The following KCNN2 variants were observed in gnomAD, a reference collection of about 807,000 sequenced individuals.
The protein encoded by KCNN2 is small conductance calcium-activated potassium channel protein 2.
In KCNN2, 24 loss-of-function variants were observed where a neutral mutation model predicts 55.5. The ratio of observed to expected loss-of-function variants is 0.43; its 90% CI spans 0.31 to 0.61. The LOEUF is 0.61. KCNN2 is among the 20% of genes least tolerant of loss of function. KCNN2 has a pLI of 0.08. For missense variants in KCNN2, 754 were observed against 853.6 expected (o/e 0.88, Z 1.45); for synonymous variants, 431 against 336.1 (o/e 1.28, Z -3.09).
At chr5:114,420,748 C>G (rs1759449126) in intron 3 of KCNN2, among the ~76,000 whole-genome samples, 1 of 152,184 alleles carries the variant, frequency 6.6e-6, no homozygotes, top group Non-Finnish European at 1.5e-5. Flanking sequence ...TATAGGCAAT[C>G]TAGAACTTTA....
chr5:114,239,737 C>G (rs1403787544), intron 2 of KCNN2, among the ~76,000 whole-genome samples: 1 of 152,196 alleles, frequency 6.6e-6, no homozygotes, highest in African/African-American at 2.4e-5. Context: ...ACAGTGGTTT[C>G]CCTGTGGGAC....
chr5:114,070,975 A>G (rs1213756653), intron 1 of KCNN2, among the ~76,000 whole-genome samples: 4 of 152,202 alleles, frequency 2.6e-5, no homozygotes, highest in Non-Finnish European at 5.9e-5. Flanking sequence ...GTATTCTTTA[A>G]ATTGGCTACT....
intron 1 of KCNN2, among the ~76,000 whole-genome samples, chr5:114,156,794 G>A (rs973494762): frequency 1.3e-5 from 2 of 151,866 alleles, no homozygotes; most frequent in African/African-American, 4.8e-5. Context: ...TTATTAATAT[G>A]TTGTAAGATG....
intron 2 of KCNN2, among the ~76,000 whole-genome samples, chr5:114,249,773 C>A (rs7703859): frequency 6.8e-6 from 1 of 148,082 alleles, no homozygotes; most frequent in Non-Finnish European, 1.5e-5. Flanking sequence ...GAATGGGCAG[C>A]ATTTTATTTT....
exon 1 of KCNN2, chr5:114,056,266 G>T: frequency 2.5e-6 from 1 of 397,598 alleles, no homozygotes; most frequent in Non-Finnish European, 4.4e-6. Context: ...GGGAGCCGGG[G>T]GCGCTCTCCC....
intron 2 of KCNN2, among the ~76,000 whole-genome samples, chr5:114,259,263 C>T (rs906265210): frequency 1.3e-5 from 2 of 152,214 alleles, no homozygotes; most frequent in Non-Finnish European, 2.9e-5. Flanking sequence ...GAACATCACT[C>T]CCCAAGAGCT....
chr5:114,088,786 A>T (rs1447028958), intron 1 of KCNN2, among the ~76,000 whole-genome samples: 4 of 151,902 alleles, frequency 2.6e-5, no homozygotes, highest in Non-Finnish European at 5.9e-5. Context: ...TTATCAGCTA[A>T]TTTTTTGTAT....
intron 3 of KCNN2, among the ~76,000 whole-genome samples, chr5:114,418,219 G>A (rs1759365625): frequency 6.6e-6 from 1 of 152,220 alleles, no homozygotes; most frequent in African/African-American, 2.4e-5. Context: ...CATTTAGTAA[G>A]TTAACAAAGG....
chr5:114,211,207 T>G (rs1330166003), intron 1 of KCNN2, among the ~76,000 whole-genome samples: 1 of 152,156 alleles, frequency 6.6e-6, no homozygotes, highest in East Asian at 1.9e-4. Context: ...ATCCCGTTAC[T>G]GAGTATGTAC....
intron 1 of KCNN2, among the ~76,000 whole-genome samples, chr5:114,204,165 A>G (rs28508274): frequency 0.018 from 2,761 of 152,210 alleles, 77 homozygotes; most frequent in African/African-American, 0.062. Context: ...AAAAGTGGTA[A>G]GGAAAATCAG....
intron 2 of KCNN2, among the ~76,000 whole-genome samples, chr5:114,346,859 T>C (rs1757115011): frequency 6.6e-6 from 1 of 150,770 alleles, no homozygotes; most frequent in Non-Finnish European, 1.5e-5. Context: ...GCCTCGAACA[T>C]CTTGTGATGC....
chr5:114,227,369 A>G (rs545220392), intron 2 of KCNN2, among the ~76,000 whole-genome samples: 1 of 152,308 alleles, frequency 6.6e-6, no homozygotes, highest in East Asian at 1.9e-4. Context: ...TTATTCATAA[A>G]GCATCCCTAG....
intron 3 of KCNN2, among the ~76,000 whole-genome samples, chr5:114,429,262 T>G (rs1352869549): frequency 1.3e-5 from 2 of 152,090 alleles, no homozygotes; most frequent in Non-Finnish European, 2.9e-5. Context: ...TAAATACAAA[T>G]CAAAATACAA....
At chr5:114,214,545 GA>G (rs926517319) in intron 1 of KCNN2, among the ~76,000 whole-genome samples, 22 of 152,042 alleles carry the variant, frequency 1.4e-4, no homozygotes, top group African/African-American at 5.3e-4. Context: ...TGACTAAGAG[GA>G]AAAAGTTGAC....
At chr5:114,480,019 G>A (rs1283676522) in intron 5 of KCNN2, among the ~76,000 whole-genome samples, 1 of 151,942 alleles carries the variant, frequency 6.6e-6, no homozygotes, top group African/African-American at 2.4e-5. Flanking sequence ...CAAGATCAGA[G>A]CTGAACTGAA....
chr5:114,354,251 G>T (rs1444194433), intron 2 of KCNN2, among the ~76,000 whole-genome samples: 1 of 151,840 alleles, frequency 6.6e-6, no homozygotes, highest in Non-Finnish European at 1.5e-5. Flanking sequence ...ATTTCAATTA[G>T]ATTCTTTTAA....
At chr5:114,457,940 T>C (rs1322133335) in intron 3 of KCNN2, among the ~76,000 whole-genome samples, 1 of 152,258 alleles carries the variant, frequency 6.6e-6, no homozygotes, top group Non-Finnish European at 1.5e-5. Context: ...TCTGCTTTTT[T>C]AGTTGTTTCA....
chr5:114,437,636 A>C (rs921119005), intron 3 of KCNN2, among the ~76,000 whole-genome samples: 1 of 152,186 alleles, frequency 6.6e-6, no homozygotes, highest in Non-Finnish European at 1.5e-5. Context: ...ACATAGTTCA[A>C]ATCCTTCTGA....
At chr5:114,109,061 C>A (rs1580521439) in intron 1 of KCNN2, among the ~76,000 whole-genome samples, 1 of 152,094 alleles carries the variant, frequency 6.6e-6, no homozygotes, top group Non-Finnish European at 1.5e-5. Flanking sequence ...CAGAGATTAG[C>A]TCAGGATCTC....
Sources: allele counts gnomAD v4.1 joint callset (sites outside exome capture counted in the v4.1 genomes callset), GRCh38; gene constraint gnomAD v4.1.1; transcripts MANE v1.5; gene names NCBI Gene and HGNC (gene_info 2026-07-23, HGNC 2026-07-21).